The following STK35 variants were observed in gnomAD, a reference collection of about 807,000 sequenced individuals.
STK35 encodes serine/threonine kinase 35, also known as serine/threonine-protein kinase 35.
A neutral mutation model predicts 37.3 loss-of-function variants in STK35; 17 were observed. The ratio of observed to expected loss-of-function variants is 0.46; its 90% CI spans 0.31 to 0.68. STK35 has a LOEUF of 0.68. STK35 is among the 30% of genes least tolerant of loss of function. The probability of loss-of-function intolerance (pLI) is 0.05; values close to 1 mark genes in which losing one functional copy is unlikely to be tolerated. For missense variants in STK35, 595 were observed against 746.7 expected (o/e 0.80, Z 2.37); for synonymous variants, 385 against 319.1 (o/e 1.21, Z -2.20).
chr20:2,104,791 T>A (rs1985482445), intron 2 of STK35, among the ~76,000 whole-genome samples: 1 of 152,180 alleles, frequency 6.6e-6, no homozygotes, highest in Admixed American at 6.5e-5. Context: ...TCTAACTTTA[T>A]AAAGTCCATC....
chr20:2,108,231 G>A (rs969093315), intron 2 of STK35, among the ~76,000 whole-genome samples: 3 of 152,218 alleles, frequency 2.0e-5, no homozygotes, highest in Admixed American at 1.3e-4. Flanking sequence ...GGCTCAGGCC[G>A]TGTGCGGTGG....
intron 3 of STK35, among the ~76,000 whole-genome samples, chr20:2,141,062 A>G (rs1986164605): frequency 6.6e-6 from 1 of 152,196 alleles, no homozygotes; most frequent in Non-Finnish European, 1.5e-5. Context: ...TGGCTGTATA[A>G]TTTCTCATCG....
Position 2,101,928 on chromosome 20 carries a change from C to T in STK35, c.47C>T (p.Ala16Val), listed in dbSNP as rs1166311044. ...CTGGCCCGGGCGCCGGCGGGAGGTGCAGCTTATGTAAAGAGGTTATGTAAA... is the reference window on the plus strand; with the variant it reads ...CTGGCCCGGGCGCCGGCGGGAGGTGTAGCTTATGTAAAGAGGTTATGTAAA... ...SPLARAPAGG[A>V]AYVKRLCKGL... Residue 16 changes from alanine to valine, a missense_variant, in exon 1 of 4, where the codon GCA becomes GTA. This residue lies in a region of STK35 where 389 missense variants were observed against 320.0 expected (regional missense o/e 1.22). Coordinates refer to ENST00000381482, the MANE Select transcript of STK35 (RefSeq NM_080836.4). 6.8e-7 allele frequency: 1 copy of T among 1,478,500 alleles called. No individual in the cohort carries two copies. The highest frequency in any genetic ancestry group is 9.0e-7 in the Non-Finnish European group (1 of 1,111,846). The allele number at this position is 1,478,500 out of a possible 1,614,324, so 91.6% of individuals were successfully genotyped here.
At chr20:2,131,048 C>A (rs543473550) in intron 3 of STK35, among the ~76,000 whole-genome samples, 1 of 152,156 alleles carries the variant, frequency 6.6e-6, no homozygotes, top group African/African-American at 2.4e-5. Context: ...TATACTCATG[C>A]GTCACTTAAT....
chr20:2,134,034 G>A (rs1194377882), intron 3 of STK35, among the ~76,000 whole-genome samples: 1 of 152,074 alleles, frequency 6.6e-6, no homozygotes, highest in African/African-American at 2.4e-5. Flanking sequence ...TATAAGTGGG[G>A]CGTGGATTGA....
At position 2,145,952 on chromosome 20, in the gene STK35, A is replaced by AAT. The variant is rs1221195050; in HGVS notation, c.*2207_*2208insTA. On this transcript the variant is annotated 3_prime_UTR_variant, in exon 4 of 4. Coordinates refer to ENST00000381482, the MANE Select transcript of STK35 (RefSeq NM_080836.4). ...TCCCCAGGTCTAGTAGCTCTAACTA[A>AAT]AAAGTTCTTGGAGCCATCGTGCTCC... The AAT allele has an allele frequency of 1.3e-5, 2 of 152,048 alleles. No individual in the cohort carries two copies. The highest frequency in any genetic ancestry group is 2.9e-5 in the Non-Finnish European group (2 of 68,002). 9.4% of individuals were successfully genotyped at this position (152,048 alleles called of 1,614,324 possible). A position where few individuals can be genotyped will look rare whatever the true frequency, so the allele number is the denominator to read the frequency against.
rs909343587 is a variant in STK35, at chr20:2,102,023, G to C, written c.142G>C (p.Ala48Pro). 11 of 1,527,498 alleles carry C rather than the reference G, an allele frequency of 7.2e-6. No homozygotes were observed. The highest frequency in any genetic ancestry group is 5.9e-5 in the Admixed American group (3 of 50,632). The allele number at this position is 1,527,498 out of a possible 1,614,324, so 94.6% of individuals were successfully genotyped here. Residue 48 changes from alanine to proline, a missense_variant, in exon 1 of 4, where the codon GCG becomes CCG. Around this residue, in one of 3 missense-constraint regions of STK35, gnomAD observed 389 missense variants for 320.0 expected, o/e 1.22. Coordinates refer to ENST00000381482, the MANE Select transcript of STK35 (RefSeq NM_080836.4). Reference sequence around the variant, plus strand: ...AGCCCAGGCTTCCCCAGCGAGCGCCGCGGCAGCAGAAGGATCCGCTACACG... The same window carrying C: ...AGCCCAGGCTTCCCCAGCGAGCGCCCCGGCAGCAGAAGGATCCGCTACACG... ...LGAQASPASA[A>P]AAEGSATRRA...
chr20:2,142,730 C>T (rs1986191815), intron 3 of STK35, among the ~76,000 whole-genome samples: 1 of 152,202 alleles, frequency 6.6e-6, no homozygotes, highest in Non-Finnish European at 1.5e-5. Flanking sequence ...GTACTCCAGC[C>T]TGGGTGACAG....
In STK35 at chr20:2,117,150, G is replaced by C. The variant is rs745924724; in HGVS notation, c.1377G>C (p.Lys459Asn). ...TCACTTTTATTGACTCTGAGACCAA[G>C]AAGGAGCTCCTGGGGACCTACATTA... ...ERITFIDSETKKELLGTYIKQ... is the reference protein window; with the variant it reads ...ERITFIDSETNKELLGTYIKQ... The change falls in exon 3 of 4, where the codon AAG (lysine) becomes AAC (asparagine). Residue 459 changes from lysine to asparagine, a missense_variant. Lys to Asn is a moderately conservative substitution (Grantham distance 94). Around this residue, in one of 3 missense-constraint regions of STK35, gnomAD observed 109 missense variants for 280.3 expected, o/e 0.39. Transcript: ENST00000381482. The surrounding 1 kb of genome is among the most constrained non-coding windows in gnomAD (Gnocchi z 4.4). The C allele has an allele frequency of 2.0e-5, 33 of 1,613,854 alleles. No individual in the cohort carries two copies. Among genetic ancestry groups the C allele is most frequent in the Non-Finnish European group, 2.8e-5 (33 of 1,179,928 alleles).
At chr20:2,105,148 C>T (rs1335968443) in intron 2 of STK35, among the ~76,000 whole-genome samples, 2 of 139,932 alleles carry the variant, frequency 1.4e-5, no homozygotes, top group Non-Finnish European at 3.1e-5. Context: ...CTGAGCAAGA[C>T]CCTGTCTCAA....
chr20:2,102,975 G>A lies in STK35; in HGVS notation c.502G>A (p.Ala168Thr). 1.4e-6 allele frequency: 2 copies of A among 1,423,300 alleles called. No individual in the cohort carries two copies. The highest frequency in any genetic ancestry group is 1.5e-5 in the South Asian group (1 of 68,638). 88.2% of individuals were successfully genotyped at this position (1,423,300 alleles called of 1,614,324 possible). A position where few individuals can be genotyped will look rare whatever the true frequency, so the allele number is the denominator to read the frequency against. Residue 168 changes from alanine to threonine, a missense_variant, in exon 2 of 4, where the codon GCG (alanine) becomes ACG (threonine). Ala to Thr is a moderately conservative substitution (Grantham distance 58). Around this residue, in one of 3 missense-constraint regions of STK35, gnomAD observed 389 missense variants for 320.0 expected, o/e 1.22. Transcript: ENST00000381482. ...GCCCAGCACGAAGCTGAGGCCGGCG[G>A]CGGCGGCCCGGGCCATGGATCCGGT... ...RAPSTKLRPA[A>T]AARAMDPVAA... is the part of the protein sequence containing the mutation.
At chr20:2,120,931 G>T (rs1985806041) in intron 3 of STK35, among the ~76,000 whole-genome samples, 1 of 152,092 alleles carries the variant, frequency 6.6e-6, no homozygotes, top group Non-Finnish European at 1.5e-5. Flanking sequence ...ACTTTTAAAT[G>T]GAAGATATCA....
intron 3 of STK35, among the ~76,000 whole-genome samples, chr20:2,142,303 A>C (rs6112979): frequency 6.6e-6 from 1 of 151,704 alleles, no homozygotes; most frequent in East Asian, 1.9e-4. Context: ...AGGCCAACAG[A>C]CAGTAAATTA....
At chr20:2,133,733 G>A (rs765424870) in intron 3 of STK35, among the ~76,000 whole-genome samples, 1 of 152,074 alleles carries the variant, frequency 6.6e-6, no homozygotes, top group Non-Finnish European at 1.5e-5. Context: ...TGTGCATTTG[G>A]CAAACTTTTT....
intron 3 of STK35, among the ~76,000 whole-genome samples, chr20:2,135,735 C>T (rs1177012425): frequency 1.3e-5 from 2 of 152,240 alleles, no homozygotes; most frequent in East Asian, 1.9e-4. Flanking sequence ...TGGTGGTGCG[C>T]GCCTGTCTTC....
chr20:2,137,894 G>C (rs1033247804), intron 3 of STK35, among the ~76,000 whole-genome samples: 1 of 152,194 alleles, frequency 6.6e-6, no homozygotes, highest in African/African-American at 2.4e-5. Context: ...TTAGAGGAAG[G>C]AGAGGACTGC....
chr20:2,128,440 A>G (rs80260998), intron 3 of STK35, among the ~76,000 whole-genome samples: 2,923 of 152,222 alleles, frequency 0.019, 49 homozygotes, highest in Non-Finnish European at 0.033. Flanking sequence ...CTGAAGGACC[A>G]CTGTTTTCCC....
chr20:2,108,025 A>G (rs746146749), intron 2 of STK35, among the ~76,000 whole-genome samples: 1 of 152,224 alleles, frequency 6.6e-6, no homozygotes, highest in Non-Finnish European at 1.5e-5. Flanking sequence ...CAACTGAGGT[A>G]CCAAGGTTAG....
At chr20:2,122,371 T>A (rs1600609423) in intron 3 of STK35, among the ~76,000 whole-genome samples, 1 of 152,162 alleles carries the variant, frequency 6.6e-6, no homozygotes, top group East Asian at 1.9e-4. Flanking sequence ...GTAAACACAC[T>A]TGACCCCTAT....
Sources: gnomAD v4.1 joint callset for allele counts (sites outside exome capture counted in the v4.1 genomes callset) on GRCh38, gnomAD v4.1.1 for gene constraint, gnomAD v4.1.1 regional missense constraint, Gnocchi (gnomAD v3.1) non-coding constraint, MANE v1.5 for transcripts, NCBI Gene and HGNC (gene_info 2026-07-23, HGNC 2026-07-21) for gene names.